Variants in CDH9 observed in about 807,000 individuals in gnomAD.
The protein encoded by CDH9 is cadherin-9.
CDH9 carries 28 observed loss-of-function variants against 70.9 expected under a neutral mutation model. The ratio of observed to expected loss-of-function variants is 0.40; its 90% confidence interval spans 0.29 to 0.54. The LOEUF (loss-of-function observed/expected upper bound fraction) is 0.54. Ranked by LOEUF, CDH9 falls within the 20% of genes least tolerant of loss-of-function variation. The pLI, the probability that CDH9 is intolerant of heterozygous loss-of-function variation, is 0.59. For missense variants in CDH9, 874 were observed against 984.4 expected, an observed-to-expected ratio of 0.89 and a Z score of 1.50; for synonymous variants, 409 against 343.1, an observed-to-expected ratio of 1.19 and a Z score of -2.12.
intron 1 of CDH9, among the ~76,000 whole-genome samples, chr5:27,001,845 C>CTG (rs1742776067): frequency 2.7e-5 from 1 of 36,492 alleles, no homozygotes; most frequent in Non-Finnish European, 8.9e-5. Context: ...CACACACACA[C>CTG]TCTCTCTCTC....
chr5:27,010,538 G>A (rs1561039384), intron 1 of CDH9, among the ~76,000 whole-genome samples: 1 of 152,098 alleles, frequency 6.6e-6, no homozygotes, highest in Non-Finnish European at 1.5e-5. Flanking sequence ...TACAGCCATA[G>A]TGACAAGCAC....
intron 7 of CDH9, among the ~76,000 whole-genome samples, chr5:26,898,237 G>T (rs1289168171): frequency 1.3e-5 from 2 of 152,130 alleles, no homozygotes; most frequent in Admixed American, 6.5e-5. Context: ...TCGTGAAAAT[G>T]GCCATACTGC....
At position 26,994,250 on chromosome 5, in the gene CDH9, G is replaced by T. The variant is rs138006056; in HGVS notation, c.-49-5868C>A. On this transcript the variant is annotated intron_variant, in intron 1 of 11. Transcript: ENST00000231021. The stretch of plus-strand genomic sequence containing the variant: ...CTTCATAGAGTTGATGTTGGAATAA[G>T]TATAGACTTTGGGGCCTATTGGGAT... 2.0e-5 allele frequency among the ~76,000 whole-genome samples: 3 copies of T among 152,220 alleles called. No homozygotes were observed. In the East Asian group the frequency reaches 5.8e-4, roughly 29 times the overall value.
At position 26,967,689 on chromosome 5, in the gene CDH9, GA is replaced by G. The variant is rs559260980; in HGVS notation, c.228+20416del. ...TATTTTAAGTTACAAACATTCCTGTGAACATCAATTTTTTACACCTTTTTTT... is the reference window on the plus strand; with the variant it reads ...TATTTTAAGTTACAAACATTCCTGTGACATCAATTTTTTACACCTTTTTTT... On this transcript the variant is annotated intron_variant, in intron 2 of 11. Coordinates refer to ENST00000231021, the MANE Select transcript of CDH9 (RefSeq NM_016279.4). Among the ~76,000 whole-genome samples the G allele has an allele frequency of 4.0e-4, 60 of 151,874 alleles. 2 individuals carry two copies. The South Asian group carries it at 0.011, about 28-fold the overall frequency.
chr5:27,033,802 A>G (rs1293321194), intron 1 of CDH9, among the ~76,000 whole-genome samples: 1 of 151,468 alleles, frequency 6.6e-6, no homozygotes, highest in African/African-American at 2.4e-5. Flanking sequence ...GAGTTGGCTG[A>G]TTGTCTGGGG....
In CDH9 at chr5:26,903,739, T is replaced by A; in HGVS notation, c.897A>T (p.Glu299Asp). The change falls in exon 6 of 12, where the codon GAA becomes GAT. Residue 299 changes from glutamate to aspartate, a missense_variant. Transcript: ENST00000231021. ...RIKANDPDVGENAEMEYSIAE... is the reference protein window; with the variant it reads ...RIKANDPDVGDNAEMEYSIAE... ...CAATGCTATACTCCATTTCTGCATT[T>A]TCCCCCACGTCAGGGTCATTGGCTT... 1 of 1,607,814 alleles carries A rather than the reference T, an allele frequency of 6.2e-7. No homozygotes were observed. Among genetic ancestry groups the A allele is most frequent in the Non-Finnish European group, 8.5e-7 (1 of 1,175,844 alleles).
intron 1 of CDH9, among the ~76,000 whole-genome samples, chr5:27,008,405 A>G (rs1028036352): frequency 1.3e-5 from 2 of 151,896 alleles, no homozygotes; most frequent in African/African-American, 4.8e-5. Flanking sequence ...CATGATAATC[A>G]CTTGAACAGG....
chr5:27,002,688 C>T (rs1742791804), intron 1 of CDH9, among the ~76,000 whole-genome samples: 1 of 151,946 alleles, frequency 6.6e-6, no homozygotes, highest in African/African-American at 2.4e-5. Flanking sequence ...CCAAACACCG[C>T]ATGTTCTCAC....
intron 7 of CDH9, chr5:26,890,785 G>T: frequency 2.3e-6 from 1 of 436,912 alleles, no homozygotes; most frequent in Non-Finnish European, 4.1e-6. Flanking sequence ...CTTTAGAACT[G>T]TTATTTATAC....
In CDH9 at chr5:26,903,804, G is replaced by A. The variant is rs866793635; in HGVS notation, c.832C>T (p.Pro278Ser). ...FPQSTYQFNS[P>S]ESVPLGTHLG... ...TGAGTTCCAAGAGGTACAGACTCAG[G>A]AGAATTAAATTGATACGTACCTATA... Residue 278 changes from proline to serine, a missense_variant, in exon 6 of 12, where the codon CCT (proline) becomes TCT (serine). Transcript: ENST00000231021. 1 of 1,579,968 alleles carries A rather than the reference G, an allele frequency of 6.3e-7. No homozygotes were observed. The highest frequency in any genetic ancestry group is 1.4e-5 in the African/African-American group (1 of 73,394).
chr5:27,036,598 AT>A (rs1160030954), intron 1 of CDH9, among the ~76,000 whole-genome samples: 2 of 151,948 alleles, frequency 1.3e-5, no homozygotes, highest in African/African-American at 4.8e-5. Flanking sequence ...TATTGTTTTT[AT>A]TAGTACTACC....
chr5:26,945,380 A>AT (rs900966161), intron 2 of CDH9, among the ~76,000 whole-genome samples: 2 of 152,164 alleles, frequency 1.3e-5, no homozygotes, highest in African/African-American at 4.8e-5. Flanking sequence ...AAAAGGAAAC[A>AT]TTTTTTCAAA....
chr5:26,930,810 T>C (rs994481395), intron 2 of CDH9, among the ~76,000 whole-genome samples: 2 of 152,120 alleles, frequency 1.3e-5, no homozygotes, highest in African/African-American at 4.8e-5. Flanking sequence ...ATCATTATAA[T>C]ACAATAATGA....
At chr5:26,942,057 G>A (rs1579465445) in intron 2 of CDH9, among the ~76,000 whole-genome samples, 1 of 152,150 alleles carries the variant, frequency 6.6e-6, no homozygotes, top group African/African-American at 2.4e-5. Context: ...TCAGGATTGG[G>A]CAATTTATTA....
intron 1 of CDH9, among the ~76,000 whole-genome samples, chr5:27,029,431 T>C (rs992454119): frequency 3.3e-5 from 5 of 151,956 alleles, no homozygotes; most frequent in Non-Finnish European, 7.4e-5. Flanking sequence ...GGAATAAAGA[T>C]CAGTTCCAAG....
At chr5:26,955,570 G>C (rs1216318139) in intron 2 of CDH9, among the ~76,000 whole-genome samples, 2 of 96,834 alleles carry the variant, frequency 2.1e-5, no homozygotes, top group African/African-American at 4.5e-5. Context: ...TGTTGTGGCA[G>C]TATCTCTCTC....
chr5:27,016,486 C>T (rs972419100), intron 1 of CDH9, among the ~76,000 whole-genome samples: 36 of 151,786 alleles, frequency 2.4e-4, no homozygotes, highest in African/African-American at 8.7e-4. Flanking sequence ...ATGTGCTATA[C>T]ATTTCATAAG....
At chr5:27,005,654 C>A (rs1742850501) in intron 1 of CDH9, among the ~76,000 whole-genome samples, 1 of 152,086 alleles carries the variant, frequency 6.6e-6, no homozygotes, top group Admixed American at 6.6e-5. Flanking sequence ...ACCCAGCAAT[C>A]CCATTACTGG....
Position 27,031,264 on chromosome 5 carries a change from T to C in CDH9, c.-50+7199A>G, listed in dbSNP as rs559814061. On this transcript the variant is annotated intron_variant, in intron 1 of 11. Coordinates refer to ENST00000231021, the MANE Select transcript of CDH9 (RefSeq NM_016279.4). The stretch of plus-strand genomic sequence containing the variant: ...AACCGCTATATTGTATGACTATACA[T>C]AGAATTCTAAAATGATAAAATACTT... 2.0e-5 allele frequency among the ~76,000 whole-genome samples: 3 copies of C among 151,972 alleles called. 1 individual carries two copies. The East Asian group carries it at 5.8e-4, about 30-fold the overall frequency.
Sources: allele counts gnomAD v4.1 joint callset (sites outside exome capture counted in the v4.1 genomes callset), GRCh38; gene constraint gnomAD v4.1.1; transcripts MANE v1.5; gene names NCBI Gene and HGNC (gene_info 2026-07-23, HGNC 2026-07-21).